ZFHX3: variants seen among roughly 807,000 people sequenced by gnomAD.
The protein encoded by ZFHX3 is zinc finger homeobox 3, also known as zinc finger homeobox protein 3.
Under a neutral mutation model 279.1 loss-of-function variants are expected in ZFHX3, and 42 were observed. The ratio of observed to expected loss-of-function variants is 0.15; its 90% CI spans 0.12 to 0.19. The LOEUF is 0.19. Among genes scored for constraint, ZFHX3 ranks in the 10% least tolerant of loss-of-function variants. ZFHX3 has a pLI of 1.00. For synonymous variants in ZFHX3, 2,293 were observed against 1,957.8 expected (o/e 1.17, Z -4.52); for missense variants, 4,981 against 4,754.0 (o/e 1.05, Z -1.40).
intron 8 of ZFHX3, among the ~76,000 whole-genome samples, chr16:73,069,677 G>A (rs558298974): frequency 1.3e-5 from 2 of 152,268 alleles, no homozygotes; most frequent in Admixed American, 1.3e-4. Flanking sequence ...CCACTAAGGT[G>A]ACCAACTGGT....
chr16:72,871,721 C>A (rs1019162390), intron 4 of ZFHX3, among the ~76,000 whole-genome samples: 3 of 151,902 alleles, frequency 2.0e-5, no homozygotes, highest in Non-Finnish European at 2.9e-5. Context: ...ATGTGATCCG[C>A]CCGCCTCAGC....
intron 2 of ZFHX3, among the ~76,000 whole-genome samples, chr16:73,585,713 GA>G (rs1370651779): frequency 6.6e-6 from 1 of 152,216 alleles, no homozygotes; most frequent in Non-Finnish European, 1.5e-5. Context: ...ACATTGACTT[GA>G]TATGTAATGA....
At chr16:72,963,134 C>A (rs747630346) in intron 1 of ZFHX3, among the ~76,000 whole-genome samples, 1 of 152,204 alleles carries the variant, frequency 6.6e-6, no homozygotes, top group Non-Finnish European at 1.5e-5. Flanking sequence ...AGCCTGGGAA[C>A]CCAGTGGGTC....
At chr16:73,634,987 G>T (rs1291049741) in intron 2 of ZFHX3, among the ~76,000 whole-genome samples, 1 of 152,096 alleles carries the variant, frequency 6.6e-6, no homozygotes, top group African/African-American at 2.4e-5. Flanking sequence ...TAATCCATCT[G>T]CTTTTTGCTT....
Position 73,545,197 on chromosome 16 carries a change from C to T in ZFHX3, c.-1546-88939G>A, listed in dbSNP as rs78928590. 4.8e-3 allele frequency among the ~76,000 whole-genome samples: 729 copies of T among 152,276 alleles called. 11 individuals carry two copies. The highest frequency in any genetic ancestry group is 0.016 in the African/African-American group (679 of 41,556). On this transcript the variant is annotated intron_variant, in intron 2 of 17. Coordinates refer to the ZFHX3 transcript ENST00000641206. ...TAAGCGTGGGAGGCAATCTCAGACCCCCATAATGACATCCAGGGTACCATA... is the reference window on the plus strand; with the variant it reads ...TAAGCGTGGGAGGCAATCTCAGACCTCCATAATGACATCCAGGGTACCATA...
intron 3 of ZFHX3, among the ~76,000 whole-genome samples, chr16:73,379,746 G>C (rs988824230): frequency 1.3e-5 from 2 of 152,144 alleles, no homozygotes; most frequent in African/African-American, 4.8e-5. Flanking sequence ...AGGGACAAAG[G>C]GTGGAGTCTT....
intron 3 of ZFHX3, among the ~76,000 whole-genome samples, chr16:73,395,497 C>G (rs563890290): frequency 6.6e-6 from 1 of 151,666 alleles, no homozygotes; most frequent in Non-Finnish European, 1.5e-5. Flanking sequence ...CATCTGGCCC[C>G]CATGCCAAGA....
intron 3 of ZFHX3, among the ~76,000 whole-genome samples, chr16:73,384,450 C>A (rs1054663200): frequency 6.6e-6 from 1 of 152,236 alleles, no homozygotes; most frequent in African/African-American, 2.4e-5. Flanking sequence ...GAAGTTGATG[C>A]AGTTAGTCTT....
chr16:73,364,999 T>C (rs372079003), intron 3 of ZFHX3, among the ~76,000 whole-genome samples: 1 of 152,116 alleles, frequency 6.6e-6, no homozygotes, highest in East Asian at 1.9e-4. Flanking sequence ...TCCTTTGCCA[T>C]GTGCCCTTGG....
chr16:73,697,679 GT>G (rs1391936031), intron 1 of ZFHX3, among the ~76,000 whole-genome samples: 6 of 151,860 alleles, frequency 4.0e-5, no homozygotes, highest in African/African-American at 1.5e-4. Context: ...CTAAATTCCA[GT>G]TTTAAAATAT....
At chr16:73,427,830 C>T (rs1288304321) in intron 3 of ZFHX3, among the ~76,000 whole-genome samples, 1 of 151,970 alleles carries the variant, frequency 6.6e-6, no homozygotes. Flanking sequence ...GGAGTCCCAG[C>T]TACTCGGGAG....
At chr16:73,564,811 G>A (rs1411709617) in intron 2 of ZFHX3, among the ~76,000 whole-genome samples, 2 of 152,208 alleles carry the variant, frequency 1.3e-5, no homozygotes, top group South Asian at 2.1e-4. Flanking sequence ...TTTCCAAAAT[G>A]CTGTCATCTC....
At position 73,012,711 on chromosome 16, in the gene ZFHX3, A is replaced by G. The variant is rs546609603; in HGVS notation, c.-50+35041T>C. The stretch of plus-strand genomic sequence containing the variant: ...TTTGATAGAAGTATTTTCCATCCCA[A>G]ATTTTGAGATCCTGGCACGAATGAT... On this transcript the variant is annotated intron_variant, in intron 1 of 9. Coordinates refer to ENST00000268489, the MANE Select transcript of ZFHX3 (RefSeq NM_006885.4). Among the ~76,000 whole-genome samples the G allele has an allele frequency of 2.0e-5, 3 of 152,282 alleles. No individual in the cohort carries two copies. The East Asian group carries it at 5.8e-4, about 29-fold the overall frequency.
At chr16:73,012,378 TC>T (rs1326964005) in intron 1 of ZFHX3, among the ~76,000 whole-genome samples, 1 of 151,726 alleles carries the variant, frequency 6.6e-6, no homozygotes, top group African/African-American at 2.4e-5. Context: ...TTGGCTGGCC[TC>T]TGATAGTATG....
intron 1 of ZFHX3, among the ~76,000 whole-genome samples, chr16:73,013,986 T>C (rs1964007315): frequency 6.6e-6 from 1 of 152,200 alleles, no homozygotes; most frequent in Non-Finnish European, 1.5e-5. Context: ...GAAGGATCTT[T>C]GGATAGAGGA....
rs147064976 is a variant in ZFHX3, at chr16:72,833,202, C to G, written c.3449-3343G>C. On this transcript the variant is annotated intron_variant, in intron 4 of 9. Transcript: ENST00000268489. ...GGGAACCAGGGGCAAAATAGCATCCCGCTTTGAAACAGAGATCTGCGTCCA... is the reference window on the plus strand; with the variant it reads ...GGGAACCAGGGGCAAAATAGCATCCGGCTTTGAAACAGAGATCTGCGTCCA... Among the ~76,000 whole-genome samples, 45 of 152,316 alleles carry G rather than the reference C, an allele frequency of 3.0e-4. No homozygotes were observed. In the East Asian group the frequency reaches 7.9e-3, roughly 27 times the overall value.
At chr16:73,587,509 G>T (rs566137353) in intron 2 of ZFHX3, among the ~76,000 whole-genome samples, 13 of 152,270 alleles carry the variant, frequency 8.5e-5, no homozygotes, top group Non-Finnish European at 1.5e-5. Flanking sequence ...AGCAACCCGC[G>T]TTGGCTGTTA....
intron 6 of ZFHX3, among the ~76,000 whole-genome samples, chr16:73,131,564 A>G (rs1966681430): frequency 6.6e-6 from 1 of 152,208 alleles, no homozygotes; most frequent in Non-Finnish European, 1.5e-5. Context: ...GGACCCAGAG[A>G]TACTAGTCAA....
intron 4 of ZFHX3, among the ~76,000 whole-genome samples, chr16:73,307,326 G>C (rs1470130649): frequency 1.3e-5 from 2 of 152,154 alleles, no homozygotes; most frequent in Non-Finnish European, 2.9e-5. Flanking sequence ...GAAATGTGCT[G>C]GTACAGTGGA....
Sources: gnomAD v4.1 joint callset for allele counts (sites outside exome capture counted in the v4.1 genomes callset) on GRCh38, gnomAD v4.1.1 for gene constraint, MANE v1.5 for transcripts, NCBI Gene and HGNC (gene_info 2026-07-23, HGNC 2026-07-21) for gene names.